The following KLHL13 variants were observed in gnomAD, a reference collection of about 807,000 sequenced individuals.
The protein encoded by KLHL13 is kelch-like protein 13.
KLHL13 carries 10 observed loss-of-function variants against 37.1 expected under a neutral mutation model. The observed-to-expected ratio is 0.27, with a 90% CI of 0.17 to 0.46. The LOEUF (loss-of-function observed/expected upper bound fraction) is 0.46, where lower values mean the gene tolerates loss of function less well. Ranked by LOEUF, KLHL13 falls within the 20% of genes least tolerant of loss-of-function variation. The pLI, the probability that KLHL13 is intolerant of heterozygous loss-of-function variation, is 1.00. For synonymous variants in KLHL13, 163 were observed against 181.2 expected, an observed-to-expected ratio of 0.90 and a Z score of 0.81; for missense variants, 360 against 509.3, an observed-to-expected ratio of 0.71 and a Z score of 2.82.
chrX:117,904,591 G>T (rs1189741502), intron 5 of KLHL13, among the ~76,000 whole-genome samples: 3 of 111,607 alleles, frequency 2.7e-5, no homozygotes, highest in South Asian at 3.7e-4. Flanking sequence ...AAATATGAAT[G>T]ATTTTACATT....
chrX:117,961,429 A>G (rs1003864175), intron 1 of KLHL13, among the ~76,000 whole-genome samples: 2 of 112,303 alleles, frequency 1.8e-5, no homozygotes, highest in African/African-American at 6.5e-5. Context: ...GTGTTCAACT[A>G]GAGTATTGTA....
At chrX:117,908,123 A>G in intron 5 of KLHL13, among the ~76,000 whole-genome samples, 1 of 106,592 alleles carries the variant, frequency 9.4e-6, no homozygotes, top group East Asian at 2.9e-4. Context: ...ATTGTGTTCA[A>G]GCAATCCTGC....
chrX:118,071,285 C>T (rs1381708800), intron 1 of KLHL13, among the ~76,000 whole-genome samples: 1 of 111,424 alleles, frequency 9.0e-6, no homozygotes, highest in Non-Finnish European at 1.9e-5. Context: ...AATGGGATGG[C>T]TAGGTCAAAT....
chrX:118,053,299 A>G (rs1392740949), intron 1 of KLHL13, among the ~76,000 whole-genome samples: 1 of 112,216 alleles, frequency 8.9e-6, no homozygotes, highest in Non-Finnish European at 1.9e-5. Flanking sequence ...ACCACGGAAT[A>G]CTATGCAGCC....
intron 1 of KLHL13, among the ~76,000 whole-genome samples, chrX:118,067,157 C>G (rs757878711): frequency 1.4e-4 from 16 of 112,126 alleles, no homozygotes; most frequent in Non-Finnish European, 2.4e-4. Flanking sequence ...CTACAAACCT[C>G]TAATGCATGT....
chrX:117,955,556 G>A (rs899306670), intron 1 of KLHL13, among the ~76,000 whole-genome samples: 2 of 111,248 alleles, frequency 1.8e-5, no homozygotes, highest in African/African-American at 6.5e-5. Context: ...TCAGTCATAC[G>A]TTTTCAATAT....
chrX:117,998,680 T>G (rs6645431), intron 1 of KLHL13, among the ~76,000 whole-genome samples: 17,041 of 109,250 alleles, frequency 0.16, 1,811 homozygotes, highest in African/African-American at 0.38. Flanking sequence ...CCACCCTTTG[T>G]GACATGCTCA....
At chrX:118,082,249 T>C (rs999183803) in intron 1 of KLHL13, among the ~76,000 whole-genome samples, 4 of 111,043 alleles carry the variant, frequency 3.6e-5, no homozygotes, top group Non-Finnish European at 7.6e-5. Context: ...AGTTCCCTTT[T>C]CTCCACATCA....
At chrX:118,056,095 TTAG>T (rs1476343608) in intron 1 of KLHL13, among the ~76,000 whole-genome samples, 2 of 111,677 alleles carry the variant, frequency 1.8e-5, no homozygotes, top group Non-Finnish European at 3.8e-5. Context: ...TGGAAGACTA[TTAG>T]AAGTAAAAAA....
chrX:118,088,237 T>C (rs771017646), intron 1 of KLHL13, among the ~76,000 whole-genome samples: 1 of 112,290 alleles, frequency 8.9e-6, no homozygotes, highest in Non-Finnish European at 1.9e-5. Context: ...TTTCAAAGAA[T>C]GTAAAACAAT....
chrX:117,987,075 A>G (rs189151572), intron 1 of KLHL13, among the ~76,000 whole-genome samples: 1 of 111,582 alleles, frequency 9.0e-6, no homozygotes, highest in Non-Finnish European at 1.9e-5. Flanking sequence ...CAGCAACTCT[A>G]AAGTACTATG....
chrX:117,924,127 G>A (rs983901910), intron 2 of KLHL13, among the ~76,000 whole-genome samples: 5 of 111,484 alleles, frequency 4.5e-5, no homozygotes, highest in East Asian at 2.8e-4. Context: ...TTTATTCTAC[G>A]TTATGTCTAT....
intron 1 of KLHL13, among the ~76,000 whole-genome samples, chrX:118,091,278 TA>T (rs752716028): frequency 2.7e-5 from 3 of 110,834 alleles, no homozygotes; most frequent in Non-Finnish European, 3.8e-5. Flanking sequence ...TAAAGTATAA[TA>T]AAAAAAGTAT....
chrX:117,911,100 G>A (rs1432510223), intron 4 of KLHL13, among the ~76,000 whole-genome samples: 1 of 112,207 alleles, frequency 8.9e-6, no homozygotes, highest in African/African-American at 3.2e-5. Flanking sequence ...CAGTGTGTAT[G>A]TATACAAACA....
chrX:118,062,021 T>C lies in KLHL13; in HGVS notation c.-56+54487A>G, dbSNP rs891685986. Among the ~76,000 whole-genome samples, 3 of 110,948 alleles carry C rather than the reference T, an allele frequency of 2.7e-5. No homozygotes were observed. In the East Asian group the frequency reaches 8.4e-4, roughly 31 times the overall value. On this transcript the variant is annotated intron_variant, in intron 1 of 6. Transcript: ENST00000371882. Reference sequence around the variant, plus strand: ...CCCCATCTTCTCCATACCTTACTGTTTTATTGTTTCTCTTTCTAATCCATC... The same window carrying C: ...CCCCATCTTCTCCATACCTTACTGTCTTATTGTTTCTCTTTCTAATCCATC...
intron 1 of KLHL13, among the ~76,000 whole-genome samples, chrX:118,015,070 A>G (rs957160970): frequency 9.0e-6 from 1 of 111,669 alleles, no homozygotes; most frequent in African/African-American, 3.3e-5. Context: ...CAGTGATATC[A>G]CTTTATTTTA....
rs765661990 is a variant in KLHL13, at chrX:117,909,288, T to G, written c.1366+13A>C. ...AAGAAATTTGTCTCTATGCTTAATA[T>G]AAATGCACTTACGCAGTTCACCTGC... On this transcript the variant is annotated intron_variant, in intron 5 of 6. Transcript: ENST00000262820. The G allele has an allele frequency of 2.6e-6, 3 of 1,144,565 alleles. No individual in the cohort carries two copies. In the Admixed American group the frequency reaches 8.4e-5, roughly 32 times the overall value. The allele number at this position is 1,144,565 out of a possible 1,213,427, so 94.3% of individuals were successfully genotyped here. A position where few individuals can be genotyped will look rare whatever the true frequency, so the allele number is the denominator to read the frequency against.
intron 1 of KLHL13, among the ~76,000 whole-genome samples, chrX:118,071,533 T>G (rs961788679): frequency 4.5e-5 from 5 of 111,942 alleles, no homozygotes; most frequent in African/African-American, 1.6e-4. Flanking sequence ...TTTTCATGTG[T>G]TTTTTGGCTG....
chrX:118,057,914 G>A (rs1325166157), intron 1 of KLHL13, among the ~76,000 whole-genome samples: 1 of 111,235 alleles, frequency 9.0e-6, no homozygotes, highest in Non-Finnish European at 1.9e-5. Context: ...AGGATATACA[G>A]CAACAACAAC....
Sources: allele counts gnomAD v4.1 joint callset (sites outside exome capture counted in the v4.1 genomes callset), GRCh38; gene constraint gnomAD v4.1.1; transcripts MANE v1.5; gene names NCBI Gene and HGNC (gene_info 2026-07-23, HGNC 2026-07-21).